Variants in HHAT observed in about 807,000 individuals in gnomAD.
HHAT encodes hedgehog acyltransferase.
A neutral mutation model predicts 70.8 loss-of-function variants in HHAT; 47 were observed. The ratio of observed to expected loss-of-function variants is 0.66; its 90% CI spans 0.53 to 0.85. HHAT has a LOEUF of 0.85. Ranked by LOEUF, HHAT falls within the 40% of genes least tolerant of loss-of-function variation. HHAT has a pLI of 0.00. For synonymous variants in HHAT, 228 were observed against 247.6 expected, an observed-to-expected ratio of 0.92 and a Z score of 0.74; for missense variants, 609 against 604.8, an observed-to-expected ratio of 1.01 and a Z score of -0.07.
chr1:210,642,780 C>T (rs1024991177), intron 11 of HHAT, among the ~76,000 whole-genome samples: 2 of 152,018 alleles, frequency 1.3e-5, no homozygotes, highest in African/African-American at 4.8e-5. Flanking sequence ...AATATGTTCT[C>T]CCACTCTGTG....
intron 9 of HHAT, among the ~76,000 whole-genome samples, chr1:210,536,898 C>G (rs1386859416): frequency 6.6e-6 from 1 of 151,994 alleles, no homozygotes; most frequent in Admixed American, 6.6e-5. Context: ...CCAGAAATGA[C>G]AATAAAAAAT....
chr1:210,667,143 G>A (rs1679076646), intron 11 of HHAT, among the ~76,000 whole-genome samples: 2 of 151,230 alleles, frequency 1.3e-5, no homozygotes, highest in South Asian at 4.2e-4. Flanking sequence ...ACCACTTTGA[G>A]AGGCCAAGGC....
At chr1:210,516,038 C>T (rs192376234) in intron 9 of HHAT, among the ~76,000 whole-genome samples, 1 of 152,130 alleles carries the variant, frequency 6.6e-6, no homozygotes, top group African/African-American at 2.4e-5. Context: ...CCACTATACT[C>T]CAGCCTGGGT....
intron 9 of HHAT, among the ~76,000 whole-genome samples, chr1:210,532,782 A>G (rs1316056539): frequency 2.0e-5 from 3 of 152,232 alleles, no homozygotes; most frequent in Admixed American, 2.0e-4. Flanking sequence ...GAAAACAAAC[A>G]TTTATGACAT....
At chr1:210,528,069 C>T (rs896123112) in intron 9 of HHAT, among the ~76,000 whole-genome samples, 2 of 152,164 alleles carry the variant, frequency 1.3e-5, no homozygotes, top group East Asian at 1.9e-4. Context: ...CAATTCCTAC[C>T]GTCTGGGAGC....
intron 9 of HHAT, among the ~76,000 whole-genome samples, chr1:210,532,532 A>G (rs1000005042): frequency 6.6e-6 from 1 of 152,232 alleles, no homozygotes; most frequent in African/African-American, 2.4e-5. Flanking sequence ...TTCTAGCCCT[A>G]AACTTATATA....
intron 7 of HHAT, among the ~76,000 whole-genome samples, chr1:210,457,789 A>G (rs571937929): frequency 6.6e-6 from 1 of 152,130 alleles, no homozygotes; most frequent in East Asian, 1.9e-4. Context: ...TACTACTCAG[A>G]CCCTTGTGTT....
chr1:210,642,381 G>A (rs1673148023), intron 11 of HHAT, among the ~76,000 whole-genome samples: 1 of 152,134 alleles, frequency 6.6e-6, no homozygotes, highest in Admixed American at 6.6e-5. Flanking sequence ...TATATACTCA[G>A]GAAATTGCTG....
intron 11 of HHAT, among the ~76,000 whole-genome samples, chr1:210,650,810 A>C (rs1314771381): frequency 1.3e-5 from 2 of 152,240 alleles, no homozygotes; most frequent in Non-Finnish European, 2.9e-5. Flanking sequence ...AGCTAGAGGC[A>C]CATGGACCTG....
intron 10 of HHAT, among the ~76,000 whole-genome samples, chr1:210,596,042 C>T (rs1662919271): frequency 6.6e-6 from 1 of 152,120 alleles, no homozygotes; most frequent in Non-Finnish European, 1.5e-5. Context: ...AAGTCCTTGC[C>T]CATGCCTATG....
intron 10 of HHAT, among the ~76,000 whole-genome samples, chr1:210,607,999 G>T (rs1396581666): frequency 1.3e-5 from 2 of 152,292 alleles, no homozygotes; most frequent in African/African-American, 4.8e-5. Context: ...GATATGTTGT[G>T]AAGATGATCC....
At chr1:210,547,486 G>A (rs538611455) in intron 9 of HHAT, among the ~76,000 whole-genome samples, 3 of 152,332 alleles carry the variant, frequency 2.0e-5, no homozygotes, top group Non-Finnish European at 4.4e-5. Context: ...CGTTAAGAAA[G>A]TAGATCCTGG....
At chr1:210,505,200 AACTTTTTATTCTTGACTGTGAGC>A (rs1315159836) in intron 8 of HHAT, among the ~76,000 whole-genome samples, 13 of 152,098 alleles carry the variant, frequency 8.5e-5, no homozygotes, top group Non-Finnish European at 1.8e-4. Flanking sequence ...TGCCTGGCCC[AACTTTTTATTCTTGACTGTGAGC>A]AGGTTGAGAC....
chr1:210,667,350 C>T (rs890414711), intron 11 of HHAT, among the ~76,000 whole-genome samples: 1 of 151,814 alleles, frequency 6.6e-6, no homozygotes, highest in Non-Finnish European at 1.5e-5. Context: ...CCATTGCACT[C>T]CAGCCTGGGC....
intron 11 of HHAT, among the ~76,000 whole-genome samples, chr1:210,665,004 C>T (rs1293548016): frequency 1.3e-5 from 2 of 152,174 alleles, no homozygotes; most frequent in Non-Finnish European, 2.9e-5. Flanking sequence ...GCCTCTTTCC[C>T]TTCATTCTAC....
intron 1 of HHAT, among the ~76,000 whole-genome samples, chr1:210,347,305 A>G (rs1448333355): frequency 6.6e-6 from 1 of 152,130 alleles, no homozygotes; most frequent in African/African-American, 2.4e-5. Context: ...CACATTTGTC[A>G]TCTATAAAAT....
chr1:210,667,004 C>T (rs184549720), intron 11 of HHAT, among the ~76,000 whole-genome samples: 2,577 of 151,480 alleles, frequency 0.017, 34 homozygotes, highest in Middle Eastern at 0.031. Context: ...GGCGTGAACC[C>T]GGAAGGCAGA....
chr1:210,360,304 G>GTTT (rs398053777), intron 2 of HHAT, among the ~76,000 whole-genome samples: 1,805 of 137,984 alleles, frequency 0.013, 41 homozygotes, highest in African/African-American at 0.045. Context: ...TTGTTTTTGT[G>GTTT]TTTTTTTTTT....
At chr1:210,392,274 C>A (rs958697135) in intron 4 of HHAT, among the ~76,000 whole-genome samples, 8 of 152,238 alleles carry the variant, frequency 5.3e-5, no homozygotes, top group African/African-American at 1.9e-4. Context: ...CTGTCCTCCC[C>A]ACGTCTCTGG....
Sources: allele counts gnomAD v4.1 joint callset (sites outside exome capture counted in the v4.1 genomes callset), GRCh38; gene constraint gnomAD v4.1.1; transcripts MANE v1.5; gene names NCBI Gene and HGNC (gene_info 2026-07-23, HGNC 2026-07-21).